Variants in NAP1L4 observed in about 807,000 individuals in gnomAD.
The protein encoded by NAP1L4 is nucleosome assembly protein 1-like 4.
Under a neutral mutation model 58.2 loss-of-function variants are expected in NAP1L4, and 15 were observed. The ratio of observed to expected loss-of-function variants is 0.26; its 90% CI spans 0.17 to 0.40. NAP1L4 has a LOEUF of 0.40. Ranked by LOEUF, NAP1L4 falls within the 10% of genes least tolerant of loss-of-function variation. The probability of loss-of-function intolerance (pLI) is 1.00; values close to 1 mark genes in which losing one functional copy is unlikely to be tolerated. For synonymous variants in NAP1L4, 171 were observed against 155.6 expected (o/e 1.10, Z -0.74); for missense variants, 384 against 451.1 (o/e 0.85, Z 1.35).
At chr11:2,957,201 C>T (rs1846595924) in intron 10 of NAP1L4, among the ~76,000 whole-genome samples, 1 of 152,134 alleles carries the variant, frequency 6.6e-6, no homozygotes. Context: ...TTAAAGCCTC[C>T]CTTCTTCACG....
At chr11:2,965,781 C>T (rs1035522940) in intron 7 of NAP1L4, among the ~76,000 whole-genome samples, 17 of 152,150 alleles carry the variant, frequency 1.1e-4, no homozygotes, top group African/African-American at 4.1e-4. Context: ...CCACCCACCT[C>T]GGCCTCCCAA....
At chr11:2,979,430 C>T (rs1848169638) in intron 1 of NAP1L4, among the ~76,000 whole-genome samples, 193 bp from the exon 2 acceptor site, 1 of 152,156 alleles carries the variant, frequency 6.6e-6, no homozygotes. Context: ...GCTTATTAAA[C>T]TATACACTTC....
In NAP1L4 at chr11:2,954,429, G is replaced by T; in HGVS notation, c.1035+98C>A. 2 of 1,549,888 alleles carry T rather than the reference G, an allele frequency of 1.3e-6. No homozygotes were observed. The highest frequency in any genetic ancestry group is 1.8e-6 in the Non-Finnish European group (2 of 1,124,568). ...TATCTGGCTGATGATGTAATAAAAAGATTAGGCATGGGGGTTTCCTAAGCC... is the reference window on the plus strand; with the variant it reads ...TATCTGGCTGATGATGTAATAAAAATATTAGGCATGGGGGTTTCCTAAGCC... On this transcript the variant is annotated intron_variant, in intron 12 of 15. Transcript: ENST00000380542. The surrounding 1 kb of genome is among the most constrained non-coding windows in gnomAD (Gnocchi z 4.8).
chr11:2,968,514 A>G (rs1847425181), intron 7 of NAP1L4, among the ~76,000 whole-genome samples: 2 of 152,220 alleles, frequency 1.3e-5, no homozygotes, highest in African/African-American at 4.8e-5. Flanking sequence ...TGGAAGGAGA[A>G]TAAGAAATAC....
Position 2,951,667 on chromosome 11 carries a change from G to T in NAP1L4, c.1065+113C>A. On this transcript the variant is annotated intron_variant, in intron 13 of 15. Coordinates refer to ENST00000380542, the MANE Select transcript of NAP1L4 (RefSeq NM_005969.4). The surrounding 1 kb of genome is among the most constrained non-coding windows in gnomAD (Gnocchi z 4.0). The stretch of plus-strand genomic sequence containing the variant: ...AAGAACATTCTTAGAATCAAAGACA[G>T]CGTCACAAAAAATGGGTTTAACACA... 1.0e-6 allele frequency: 1 copy of T among 980,016 alleles called. No homozygotes were observed. Among genetic ancestry groups the T allele is most frequent in the Non-Finnish European group, 1.6e-6 (1 of 627,410 alleles). The allele number at this position is 980,016 out of a possible 1,614,324, so 60.7% of individuals were successfully genotyped here.
chr11:2,986,407 A>C (rs1008409089), intron 1 of NAP1L4, among the ~76,000 whole-genome samples: 4 of 151,662 alleles, frequency 2.6e-5, no homozygotes, highest in Admixed American at 2.6e-4. Context: ...AGGAAAAAAA[A>C]ATTGGGCCAC....
In NAP1L4 at chr11:2,959,996, G is replaced by T; in HGVS notation, c.607-87C>A. On this transcript the variant is annotated intron_variant, in intron 8 of 15. Transcript: ENST00000380542. The surrounding 1 kb of genome is among the most constrained non-coding windows in gnomAD (Gnocchi z 4.9). Reference sequence around the variant, plus strand: ...TTGGAGTACACAACACTTACTAGAAGCTATTTTGGGAAAGCTCAACAGATA... The same window carrying T: ...TTGGAGTACACAACACTTACTAGAATCTATTTTGGGAAAGCTCAACAGATA... The T allele has an allele frequency of 1.4e-6, 2 of 1,388,664 alleles. No individual in the cohort carries two copies. Among genetic ancestry groups the T allele is most frequent in the South Asian group, 2.6e-5 (2 of 76,084 alleles). 86.0% of individuals were successfully genotyped at this position (1,388,664 alleles called of 1,614,324 possible). A position where few individuals can be genotyped will look rare whatever the true frequency, so the allele number is the denominator to read the frequency against.
At chr11:2,989,979 T>C (rs1442907508) in intron 1 of NAP1L4, 1 of 152,246 alleles carries the variant, frequency 6.6e-6, no homozygotes, top group Non-Finnish European at 1.5e-5. Flanking sequence ...TTTTCAGAAT[T>C]CAGTTTACCA....
chr11:2,973,476 G>A (rs1847766580), intron 4 of NAP1L4, among the ~76,000 whole-genome samples: 1 of 152,010 alleles, frequency 6.6e-6, no homozygotes, highest in Non-Finnish European at 1.5e-5. Context: ...CTAAGCACTT[G>A]ACTTACCCTC....
At chr11:2,963,424 T>C (rs1191971844) in intron 8 of NAP1L4, among the ~76,000 whole-genome samples, 1 of 152,106 alleles carries the variant, frequency 6.6e-6, no homozygotes, top group East Asian at 1.9e-4. Context: ...GCAAGGAAGA[T>C]GGGGTATCCC....
At chr11:2,972,506 G>C (rs1188897616) in intron 4 of NAP1L4, among the ~76,000 whole-genome samples, 1 of 152,122 alleles carries the variant, frequency 6.6e-6, no homozygotes, top group Non-Finnish European at 1.5e-5. Context: ...CCAAAAGAAT[G>C]CAAACATTTA....
At chr11:2,987,211 T>C (rs573518870) in intron 1 of NAP1L4, among the ~76,000 whole-genome samples, 7 of 152,076 alleles carry the variant, frequency 4.6e-5, no homozygotes, top group Admixed American at 2.6e-4. Flanking sequence ...CCCAGGCCAG[T>C]AGACTCCTGA....
rs1189502815 is a variant in NAP1L4, at chr11:2,951,916, A to G, written c.1036-107T>C. The G allele has an allele frequency of 2.7e-6, 3 of 1,123,952 alleles. No individual in the cohort carries two copies. The highest frequency in any genetic ancestry group is 1.5e-5 in the African/African-American group (1 of 65,338). 69.6% of individuals were successfully genotyped at this position (1,123,952 alleles called of 1,614,324 possible). A position where few individuals can be genotyped will look rare whatever the true frequency, so the allele number is the denominator to read the frequency against. ...CACTGACCAAGCCTAAGAGGAGCAG[A>G]AAGTCCAGCCACGCTGCCTGCTGGG... On this transcript the variant is annotated intron_variant, in intron 12 of 15. Transcript: ENST00000380542. The surrounding 1 kb of genome is among the most constrained non-coding windows in gnomAD (Gnocchi z 4.0).
intron 7 of NAP1L4, among the ~76,000 whole-genome samples, chr11:2,966,979 C>T (rs1307357648): frequency 6.6e-6 from 1 of 152,232 alleles, no homozygotes; most frequent in Admixed American, 6.5e-5. Context: ...AGGCACAACA[C>T]TGGAGGCATC....
At chr11:2,973,288 GA>G (rs1004099411) in intron 4 of NAP1L4, among the ~76,000 whole-genome samples, 2 of 152,188 alleles carry the variant, frequency 1.3e-5, no homozygotes, top group Admixed American at 1.3e-4. Flanking sequence ...TTATAAATCA[GA>G]AGAAAAATCC....
chr11:2,978,235 G>C lies in NAP1L4; in HGVS notation c.73+49C>G. 3 of 1,560,230 alleles carry C rather than the reference G, an allele frequency of 1.9e-6. 1 individual carries two copies. Among genetic ancestry groups the C allele is most frequent in the Non-Finnish European group, 2.6e-6 (3 of 1,136,758 alleles). Reference sequence around the variant, plus strand: ...GCATTAATAAATGTTTCCAGAGAGAGGAACGTTCCCCATACTGGATGCAAA... The same window carrying C: ...GCATTAATAAATGTTTCCAGAGAGACGAACGTTCCCCATACTGGATGCAAA... On this transcript the variant is annotated intron_variant, in intron 3 of 15. Transcript: ENST00000380542.
At chr11:2,974,990 C>T (rs567394868) in intron 4 of NAP1L4, among the ~76,000 whole-genome samples, 1 of 151,674 alleles carries the variant, frequency 6.6e-6, no homozygotes, top group East Asian at 1.9e-4. Context: ...GATGACAGAG[C>T]AAGAGTCTGT....
intron 7 of NAP1L4, among the ~76,000 whole-genome samples, chr11:2,967,089 T>TA (rs1847325396): frequency 6.6e-6 from 1 of 152,152 alleles, no homozygotes; most frequent in East Asian, 1.9e-4. Flanking sequence ...TCAGAGTTAA[T>TA]CCGCCTTTGG....
intron 7 of NAP1L4, among the ~76,000 whole-genome samples, chr11:2,967,852 G>A (rs1347959921): frequency 6.6e-6 from 1 of 152,146 alleles, no homozygotes; most frequent in African/African-American, 2.4e-5. Context: ...AGAATGAGAA[G>A]GGACACCCCA....
Sources: allele counts gnomAD v4.1 joint callset (sites outside exome capture counted in the v4.1 genomes callset), GRCh38; gene constraint gnomAD v4.1.1; non-coding constraint Gnocchi (gnomAD v3.1); transcripts MANE v1.5; gene names NCBI Gene and HGNC (gene_info 2026-07-23, HGNC 2026-07-21).